The following TPO variants were observed in gnomAD, a reference collection of about 807,000 sequenced individuals.
TPO encodes thyroid microsomal antigen.
A neutral mutation model predicts 96.9 loss-of-function variants in TPO; 78 were observed. The ratio of observed to expected loss-of-function variants is 0.81; its 90% CI spans 0.67 to 0.97. The LOEUF (loss-of-function observed/expected upper bound fraction) is 0.97. TPO is among the 50% of genes least tolerant of loss of function. The pLI, the probability that TPO is intolerant of heterozygous loss-of-function variation, is 0.00. For synonymous variants in TPO, 547 were observed against 538.0 expected (o/e 1.02, Z -0.23); for missense variants, 1,252 against 1,274.8 (o/e 0.98, Z 0.27).
intron 2 of TPO, among the ~76,000 whole-genome samples, chr2:1,419,272 A>AG (rs1663261003): frequency 6.6e-6 from 1 of 152,088 alleles, no homozygotes. Context: ...CTGAAAAAAA[A>AG]CTTCGGGTTC....
At chr2:1,516,297 A>G (rs1674696621) in intron 14 of TPO, among the ~76,000 whole-genome samples, 1 of 152,162 alleles carries the variant, frequency 6.6e-6, no homozygotes, top group African/African-American at 2.4e-5. Context: ...GAATTGGCTG[A>G]TGAGACCCAG....
At chr2:1,536,799 G>T (rs1285711480) in intron 15 of TPO, among the ~76,000 whole-genome samples, 4 of 98,948 alleles carry the variant, frequency 4.0e-5, no homozygotes, top group Non-Finnish European at 7.9e-5. Flanking sequence ...CCCGCAATCT[G>T]TGCAACCTCC....
chr2:1,406,868 T>C (rs1394226939), intron 1 of TPO, among the ~76,000 whole-genome samples: 1 of 152,212 alleles, frequency 6.6e-6, no homozygotes, highest in African/African-American at 2.4e-5. Context: ...GAAGTACTTG[T>C]TTGGACCAGA....
chr2:1,413,684 G>A (rs1272306877), intron 1 of TPO, 139 bp downstream of exon 1: 1 of 985,522 alleles, frequency 1.0e-6, no homozygotes, highest in South Asian at 4.7e-5. Flanking sequence ...CTGACTGACT[G>A]ACTGATGAGT....
intron 5 of TPO, among the ~76,000 whole-genome samples, chr2:1,450,770 A>C (rs1390735374): frequency 1.3e-5 from 2 of 152,228 alleles, no homozygotes; most frequent in African/African-American, 2.4e-5. Flanking sequence ...CTGCTTAAGC[A>C]GTTAAATTAA....
chr2:1,450,135 C>A (rs1312377466), intron 5 of TPO, among the ~76,000 whole-genome samples: 2 of 152,214 alleles, frequency 1.3e-5, no homozygotes, highest in Non-Finnish European at 2.9e-5. Context: ...TCCACAGTTT[C>A]TCTCCCAGCA....
At chr2:1,427,330 G>A (rs1272419159) in intron 3 of TPO, among the ~76,000 whole-genome samples, 1 of 152,222 alleles carries the variant, frequency 6.6e-6, no homozygotes, top group Non-Finnish European at 1.5e-5. Flanking sequence ...GATGTCCAGG[G>A]AGGCAGGGGA....
At chr2:1,478,953 G>A (rs915646963) in intron 8 of TPO, among the ~76,000 whole-genome samples, 3 of 152,214 alleles carry the variant, frequency 2.0e-5, no homozygotes, top group South Asian at 2.1e-4. Flanking sequence ...ACACAGTAGC[G>A]CTTGGTGGGG....
chr2:1,513,599 G>A (rs1463604270), intron 14 of TPO: 1 of 152,256 alleles, frequency 6.6e-6, no homozygotes, highest in East Asian at 1.9e-4. Flanking sequence ...AATCAGAGAT[G>A]CAGATGTATG....
chr2:1,388,589 T>G (rs1661945528), intron 1 of TPO, among the ~76,000 whole-genome samples: 1 of 152,196 alleles, frequency 6.6e-6, no homozygotes, highest in Admixed American at 6.5e-5. Context: ...AGTGACCCGA[T>G]TTTCCAGCTG....
At chr2:1,529,195 C>G (rs1254255313) in intron 15 of TPO, among the ~76,000 whole-genome samples, 1 of 94,936 alleles carries the variant, frequency 1.1e-5, no homozygotes, top group East Asian at 4.3e-4. Flanking sequence ...CAAATCCCCC[C>G]CACTCTGTGC....
At chr2:1,426,703 C>G (rs1350275910) in intron 3 of TPO, among the ~76,000 whole-genome samples, 1 of 152,202 alleles carries the variant, frequency 6.6e-6, no homozygotes. Flanking sequence ...GAAGAAGGCA[C>G]TTCATTTAGG....
chr2:1,471,669 C>T (rs908239743), intron 7 of TPO, among the ~76,000 whole-genome samples: 1 of 152,154 alleles, frequency 6.6e-6, no homozygotes, highest in African/African-American at 2.4e-5. Flanking sequence ...TCCACTCATG[C>T]CCCTGCCCCC....
chr2:1,441,166 A>G (rs919497653), intron 5 of TPO, among the ~76,000 whole-genome samples: 6 of 152,026 alleles, frequency 3.9e-5, no homozygotes, highest in South Asian at 2.1e-4. Context: ...CGCAGGAGGC[A>G]GTACGTTGGA....
In TPO at chr2:1,542,751, G is replaced by T; in HGVS notation, c.*277G>T. On this transcript the variant is annotated 3_prime_UTR_variant, in exon 17 of 17. Transcript: ENST00000329066. The stretch of plus-strand genomic sequence containing the variant: ...TACACATCTTTATTTTGTGAACCCT[G>T]GAAACACCACTCTTGCAATCCTCCT... 3.4e-5 allele frequency: 30 copies of T among 884,056 alleles called. No individual in the cohort carries two copies. Among genetic ancestry groups the T allele is most frequent in the Admixed American group, 1.6e-4 (6 of 37,242 alleles). The allele number at this position is 884,056 out of a possible 1,614,324, so 54.8% of individuals were successfully genotyped here. A position where few individuals can be genotyped will look rare whatever the true frequency, so the allele number is the denominator to read the frequency against.
At position 1,397,041 on chromosome 2, in the gene TPO, T is replaced by C. The variant is rs572476466; in HGVS notation, n.180+22639T>C. ...CGTTCCAGACCCTGTACTCACTTGC[T>C]GTTGGAACATTATCAAGGCTCATTT... On this transcript the variant is annotated intron_variant and non_coding_transcript_variant, in intron 1 of 5. Coordinates refer to the TPO transcript ENST00000497517. Among the ~76,000 whole-genome samples, 5 of 152,338 alleles carry C rather than the reference T, an allele frequency of 3.3e-5. No individual in the cohort carries two copies. In the East Asian group the frequency reaches 9.7e-4, roughly 29 times the overall value.
At chr2:1,375,626 G>A (rs1198940110) in intron 1 of TPO, among the ~76,000 whole-genome samples, 1 of 152,122 alleles carries the variant, frequency 6.6e-6, no homozygotes, top group Non-Finnish European at 1.5e-5. Context: ...TGCCTGTTTG[G>A]GAATAAAAGG....
chr2:1,458,049 A>G (rs1041195494), intron 7 of TPO, among the ~76,000 whole-genome samples: 2 of 150,196 alleles, frequency 1.3e-5, no homozygotes, highest in Admixed American at 6.6e-5. Flanking sequence ...CATATAAGAC[A>G]GTGTGTGGGA....
intron 1 of TPO, among the ~76,000 whole-genome samples, chr2:1,399,933 T>C (rs1662139913): frequency 6.6e-6 from 1 of 152,218 alleles, no homozygotes; most frequent in Admixed American, 6.5e-5. Context: ...TGCATTTTAC[T>C]GGTAGCCCCA....
Sources: gnomAD v4.1 joint callset for allele counts (sites outside exome capture counted in the v4.1 genomes callset) on GRCh38, gnomAD v4.1.1 for gene constraint, MANE v1.5 for transcripts, NCBI Gene and HGNC (gene_info 2026-07-23, HGNC 2026-07-21) for gene names.